Variants in FGD5 observed in about 807,000 individuals in gnomAD.
FGD5 encodes the protein FYVE, RhoGEF and PH domain containing 5.
In FGD5, 28 loss-of-function variants were observed where a neutral mutation model predicts 133.4. That is an observed-to-expected ratio of 0.21 (90% CI 0.16 to 0.29). The LOEUF (loss-of-function observed/expected upper bound fraction) is 0.29. Ranked by LOEUF, FGD5 falls within the 10% of genes least tolerant of loss-of-function variation. The probability of loss-of-function intolerance (pLI) is 1.00; values close to 1 mark genes in which losing one functional copy is unlikely to be tolerated. For synonymous variants in FGD5, 810 were observed against 776.5 expected, an observed-to-expected ratio of 1.04 and a Z score of -0.72; for missense variants, 1,858 against 1,895.2, an observed-to-expected ratio of 0.98 and a Z score of 0.36.
intron 11 of FGD5, among the ~76,000 whole-genome samples, chr3:14,912,812 G>A (rs1488509869): frequency 6.6e-6 from 1 of 152,082 alleles, no homozygotes. Context: ...CGAGGCAGGC[G>A]GGTCACAAGG....
At chr3:14,932,860 A>G in intron 19 of FGD5, 129 bp downstream of exon 19, 1 of 1,075,966 alleles carries the variant, frequency 9.3e-7, no homozygotes, top group Admixed American at 2.2e-5. Context: ...GCCATAGCAG[A>G]ACTGCAGAAC....
chr3:14,874,868 A>G (rs957226035), intron 2 of FGD5, among the ~76,000 whole-genome samples: 4 of 152,212 alleles, frequency 2.6e-5, no homozygotes, highest in South Asian at 4.1e-4. Flanking sequence ...AGTCAGCATG[A>G]TCTGGAAACT....
intron 9 of FGD5, among the ~76,000 whole-genome samples, chr3:14,906,636 G>A (rs1160650257): frequency 6.6e-6 from 1 of 152,248 alleles, no homozygotes; most frequent in Non-Finnish European, 1.5e-5. Flanking sequence ...CCTCGCGTCT[G>A]CAGCTCCCCA....
intron 1 of FGD5, among the ~76,000 whole-genome samples, chr3:14,843,703 T>TTTG (rs2036969621): frequency 2.4e-5 from 3 of 124,018 alleles, no homozygotes; most frequent in East Asian, 2.4e-4. Flanking sequence ...TTTTTTTTTT[T>TTTG]GGGGGGAGAC....
At chr3:14,856,172 T>C (rs1018493976) in intron 1 of FGD5, among the ~76,000 whole-genome samples, 6 of 152,136 alleles carry the variant, frequency 3.9e-5, no homozygotes, top group African/African-American at 1.2e-4. Flanking sequence ...GTCAAAACAT[T>C]AGTTGTCTGT....
At chr3:14,840,767 C>T (rs947957853) in intron 1 of FGD5, among the ~76,000 whole-genome samples, 2 of 152,148 alleles carry the variant, frequency 1.3e-5, no homozygotes, top group Non-Finnish European at 2.9e-5. Flanking sequence ...ACCACAGTGA[C>T]ATAATCATGA....
At chr3:14,844,226 A>T (rs1183588846) in intron 1 of FGD5, among the ~76,000 whole-genome samples, 1 of 13,694 alleles carries the variant, frequency 7.3e-5, no homozygotes, top group Non-Finnish European at 1.3e-4. Context: ...AAATATATAT[A>T]TATATATATA....
chr3:14,917,171 T>C lies in FGD5; in HGVS notation c.3406-78T>C, dbSNP rs1033759928. 1.6e-4 allele frequency: 208 copies of C among 1,325,362 alleles called. No homozygotes were observed. Among genetic ancestry groups the C allele is most frequent in the Non-Finnish European group, 2.1e-4 (201 of 945,544 alleles). 82.1% of individuals were successfully genotyped at this position (1,325,362 alleles called of 1,614,324 possible). A position where few individuals can be genotyped will look rare whatever the true frequency, so the allele number is the denominator to read the frequency against. On this transcript the variant is annotated intron_variant, in intron 11 of 19. Coordinates refer to ENST00000285046, the MANE Select transcript of FGD5 (RefSeq NM_152536.4). This position sits in a 1 kb window ranked among gnomAD's most constrained non-coding sequence, Gnocchi z 4.1. ...ACAAGATGCCTGTGCACAGCGGAGC[T>C]CAGGGATCCTTTGAGGACAGAAGCC...
At chr3:14,837,999 C>T (rs1273406952) in intron 1 of FGD5, among the ~76,000 whole-genome samples, 2 of 152,322 alleles carry the variant, frequency 1.3e-5, no homozygotes, top group East Asian at 1.9e-4. Flanking sequence ...CTAGTGGGCT[C>T]AGCTGGGTCC....
intron 4 of FGD5, among the ~76,000 whole-genome samples, chr3:14,889,210 C>T (rs1559494541): frequency 6.6e-6 from 1 of 152,174 alleles, no homozygotes; most frequent in Admixed American, 6.5e-5. Context: ...TATGTTTGTA[C>T]ACTTGTAACT....
chr3:14,875,833 CAAG>C (rs1481587316), intron 2 of FGD5, among the ~76,000 whole-genome samples: 2 of 151,890 alleles, frequency 1.3e-5, no homozygotes, highest in African/African-American at 4.8e-5. Flanking sequence ...AGGGAGGTCT[CAAG>C]GAGGTGAGCA....
At chr3:14,908,418 C>A (rs1477595857) in intron 10 of FGD5, among the ~76,000 whole-genome samples, 1 of 152,056 alleles carries the variant, frequency 6.6e-6, no homozygotes, top group Non-Finnish European at 1.5e-5. Flanking sequence ...ATGGACTCCT[C>A]GTGGGTACAA....
chr3:14,904,013 G>A (rs924194887), intron 9 of FGD5, among the ~76,000 whole-genome samples: 4 of 152,178 alleles, frequency 2.6e-5, no homozygotes, highest in Admixed American at 6.5e-5. Context: ...ATTAGACTGG[G>A]TATATGGCTA....
At chr3:14,909,944 T>C (rs2038415751) in intron 10 of FGD5, among the ~76,000 whole-genome samples, 1 of 151,922 alleles carries the variant, frequency 6.6e-6, no homozygotes, top group Admixed American at 6.6e-5. Context: ...TTTTGTATTT[T>C]TAGTAGAGAC....
intron 1 of FGD5, among the ~76,000 whole-genome samples, chr3:14,827,281 CTTTTTT>C (rs1176016508): frequency 1.9e-5 from 2 of 104,766 alleles, no homozygotes; most frequent in East Asian, 2.4e-4. Flanking sequence ...TTCTGGTATT[CTTTTTT>C]TTTTTTTTTT....
intron 1 of FGD5, among the ~76,000 whole-genome samples, chr3:14,835,939 G>A (rs2036808317): frequency 6.6e-6 from 1 of 152,204 alleles, no homozygotes; most frequent in South Asian, 2.1e-4. Flanking sequence ...AGGAGGGCAG[G>A]AAAAGGGGCC....
chr3:14,879,218 G>A (rs1389513160), intron 2 of FGD5, among the ~76,000 whole-genome samples: 1 of 152,210 alleles, frequency 6.6e-6, no homozygotes, highest in Non-Finnish European at 1.5e-5. Flanking sequence ...GTTGTACCAG[G>A]AGGCAGGTGT....
intron 9 of FGD5, among the ~76,000 whole-genome samples, chr3:14,906,907 A>G (rs532249345): frequency 5.3e-5 from 8 of 152,346 alleles, no homozygotes; most frequent in Non-Finnish European, 1.0e-4. Context: ...TCACACTACA[A>G]TGAGAACAGT....
At position 14,827,283 on chromosome 3, in the gene FGD5, T is replaced by C. The variant is rs867113499; in HGVS notation, c.2525+5687T>C. Reference sequence around the variant, plus strand: ...CAAATTGCCACATTTCTGGTATTCTTTTTTTTTTTTTTTTTTTTTTTTTGA... The same window carrying C: ...CAAATTGCCACATTTCTGGTATTCTCTTTTTTTTTTTTTTTTTTTTTTTGA... On this transcript the variant is annotated intron_variant, in intron 1 of 19. Coordinates refer to ENST00000285046, the MANE Select transcript of FGD5 (RefSeq NM_152536.4). Among the ~76,000 whole-genome samples, 51 of 120,508 alleles carry C rather than the reference T, an allele frequency of 4.2e-4. 1 individual carries two copies. The highest frequency in any genetic ancestry group is 1.8e-3 in the African/African-American group (43 of 24,386). The allele number at this position is 120,508 out of a possible 152,430, so 79.1% of individuals were successfully genotyped here.
Sources: gnomAD v4.1 joint callset for allele counts (sites outside exome capture counted in the v4.1 genomes callset) on GRCh38, gnomAD v4.1.1 for gene constraint, Gnocchi (gnomAD v3.1) non-coding constraint, MANE v1.5 for transcripts, NCBI Gene and HGNC (gene_info 2026-07-23, HGNC 2026-07-21) for gene names.